Variants in PCDHA4 observed in about 807,000 individuals in gnomAD.
PCDHA4 encodes protocadherin alpha 4, also known as protocadherin alpha-4.
In PCDHA4, 49 loss-of-function variants were observed where a neutral mutation model predicts 61.4. That is an observed-to-expected ratio of 0.80 (90% CI 0.63 to 1.01). PCDHA4 has a LOEUF of 1.01. Among genes scored for constraint, PCDHA4 ranks in the 50% least tolerant of loss-of-function variants. PCDHA4 has a pLI of 0.00. For synonymous variants in PCDHA4, 590 were observed against 550.3 expected, an observed-to-expected ratio of 1.07 and a Z score of -1.01; for missense variants, 1,254 against 1,235.8, an observed-to-expected ratio of 1.01 and a Z score of -0.22.
At chr5:140,875,447 C>G (rs532829491) in intron 1 of PCDHA4, 1 of 1,584,206 alleles carries the variant, frequency 6.3e-7, no homozygotes, top group African/African-American at 1.4e-5. Flanking sequence ...CTGATTGTCC[C>G]AACTCAGAGG....
chr5:140,951,210 G>C (rs541010152), intron 1 of PCDHA4, among the ~76,000 whole-genome samples: 4 of 151,862 alleles, frequency 2.6e-5, no homozygotes, highest in African/African-American at 9.7e-5. Flanking sequence ...TGTCATCTCA[G>C]GTTTGGATTC....
At chr5:140,927,186 C>T in intron 1 of PCDHA4, 1 of 1,614,174 alleles carries the variant, frequency 6.2e-7, no homozygotes, top group East Asian at 2.2e-5. Context: ...TGACCTACGA[C>T]CTGGTGCTCG....
intron 3 of PCDHA4, among the ~76,000 whole-genome samples, chr5:140,988,599 G>A (rs782117836): frequency 6.6e-6 from 1 of 152,154 alleles, no homozygotes; most frequent in Non-Finnish European, 1.5e-5. Flanking sequence ...TAATGGTCAT[G>A]TAAATAAAAG....
At chr5:140,975,472 A>G (rs1012106018) in intron 1 of PCDHA4, among the ~76,000 whole-genome samples, 2 of 152,250 alleles carry the variant, frequency 1.3e-5, no homozygotes, top group African/African-American at 4.8e-5. Flanking sequence ...AATTCTGCCT[A>G]TCAGTTTATA....
Position 140,862,133 on chromosome 5 carries a change from T to C in PCDHA4, c.2385+52561T>C, listed in dbSNP as rs188346525. ...GTGGATAAATAAATGTAAAGATAGGTTTTGAGGAAACTAAATAATGAAAGA... is the reference window on the plus strand; with the variant it reads ...GTGGATAAATAAATGTAAAGATAGGCTTTGAGGAAACTAAATAATGAAAGA... On this transcript the variant is annotated intron_variant, in intron 1 of 3. Transcript: ENST00000530339. The C allele has an allele frequency of 2.2e-3, 352 of 163,204 alleles. 2 individuals carry two copies. Among genetic ancestry groups the C allele is most frequent in the South Asian group, 2.0e-3 (12 of 5,916 alleles). The allele number at this position is 163,204 out of a possible 1,614,324, so 10.1% of individuals were successfully genotyped here.
At chr5:140,907,392 A>G (rs1362391388) in intron 1 of PCDHA4, among the ~76,000 whole-genome samples, 1 of 152,202 alleles carries the variant, frequency 6.6e-6, no homozygotes, top group Non-Finnish European at 1.5e-5. Context: ...GTCAAAGGCA[A>G]TGCTGTGTGG....
intron 1 of PCDHA4, among the ~76,000 whole-genome samples, chr5:140,945,624 C>T (rs1248945489): frequency 6.6e-6 from 1 of 152,028 alleles, no homozygotes; most frequent in African/African-American, 2.4e-5. Flanking sequence ...ATGGTACTGG[C>T]ATAAAAGACA....
chr5:140,934,515 C>A (rs1163045974), intron 1 of PCDHA4, among the ~76,000 whole-genome samples: 1 of 152,214 alleles, frequency 6.6e-6, no homozygotes, highest in Admixed American at 6.5e-5. Context: ...GGTCCATAGA[C>A]CACACTTCGA....
chr5:140,927,128 A>T (rs2083872958), intron 1 of PCDHA4: 2 of 1,613,878 alleles, frequency 1.2e-6, no homozygotes, highest in Non-Finnish European at 1.7e-6. Context: ...GTGGTCAGAG[A>T]GCCGGCGGAC....
In PCDHA4 at chr5:140,807,293, T is replaced by A. The variant is rs782145999; in HGVS notation, c.106T>A (p.Ser36Thr). The stretch of plus-strand genomic sequence containing the variant: ...GAACGGTCAGCTCCACTACTCGGTC[T>A]CCGAGGAGGCCAAACACGGCACCTT... ...AGNGQLHYSV[S>T]EEAKHGTFVG... Residue 36 changes from serine to threonine, a missense_variant, in exon 1 of 4, where the codon TCC becomes ACC. Coordinates refer to ENST00000530339, the MANE Select transcript of PCDHA4 (RefSeq NM_018907.4). The A allele has an allele frequency of 6.2e-7, 1 of 1,614,084 alleles. No individual in the cohort carries two copies. Among genetic ancestry groups the A allele is most frequent in the Non-Finnish European group, 8.5e-7 (1 of 1,180,046 alleles).
chr5:140,823,797 G>T lies in PCDHA4; in HGVS notation c.2385+14225G>T, dbSNP rs2150129232. 3 of 1,613,840 alleles carry T rather than the reference G, an allele frequency of 1.9e-6. No individual in the cohort carries two copies. The South Asian group carries it at 3.3e-5, about 18-fold the overall frequency. ...TGTCGCTGGTGGAAAGTGGCCAGGC[G>T]CCGAAGGCCTCATCGCGGGCGTCGG... On this transcript the variant is annotated intron_variant, in intron 1 of 3. Coordinates refer to ENST00000530339, the MANE Select transcript of PCDHA4 (RefSeq NM_018907.4).
At chr5:140,972,990 G>A (rs185555684) in intron 1 of PCDHA4, among the ~76,000 whole-genome samples, 2 of 152,188 alleles carry the variant, frequency 1.3e-5, no homozygotes, top group African/African-American at 4.8e-5. Context: ...GGTAGATTCT[G>A]TGCATTTGTG....
intron 1 of PCDHA4, chr5:140,927,650 TC>T (rs2084465821): frequency 6.2e-7 from 1 of 1,614,080 alleles, no homozygotes; most frequent in Admixed American, 1.7e-5. Flanking sequence ...ACTGTGTTAT[TC>T]CGAGTTCAAG....
In PCDHA4 at chr5:141,009,718, A is replaced by G. The variant is rs2098413942; in HGVS notation, c.2625A>G (p.Gln875=). Residue 875 remains glutamine, a synonymous_variant, in exon 4 of 4, where the codon CAA becomes CAG. Transcript: ENST00000530339. ...TFKYGPGNPK[Q]SGPGELPDKF... ...AATACGGACCAGGCAACCCCAAACA[A>G]TCCGGTCCCGGTGAGTTGCCCGACA... The G allele has an allele frequency of 1.2e-6, 2 of 1,614,044 alleles. No homozygotes were observed. The highest frequency in any genetic ancestry group is 1.1e-5 in the South Asian group (1 of 91,052).
chr5:140,853,649 T>C (rs2042817758), intron 1 of PCDHA4: 2 of 988,760 alleles, frequency 2.0e-6, no homozygotes, highest in African/African-American at 1.8e-5. Flanking sequence ...AAATTGAGCC[T>C]GTTCCAGACA....
intron 1 of PCDHA4, among the ~76,000 whole-genome samples, chr5:140,826,339 AC>A (rs1178030684): frequency 1.3e-5 from 2 of 152,118 alleles, no homozygotes; most frequent in Non-Finnish European, 1.5e-5. Context: ...AAGAAATTGA[AC>A]CCTTTGTTTG....
At chr5:140,988,959 C>G (rs1308701267) in intron 3 of PCDHA4, 3 of 152,056 alleles carry the variant, frequency 2.0e-5, no homozygotes, top group Non-Finnish European at 4.4e-5. Context: ...CCTTCAAGCC[C>G]CACGATGGAG....
intron 3 of PCDHA4, among the ~76,000 whole-genome samples, chr5:140,997,614 A>G (rs1355709943): frequency 6.6e-6 from 1 of 152,148 alleles, no homozygotes; most frequent in Admixed American, 6.6e-5. Context: ...GCATGACTAT[A>G]TAGAGATTTT....
chr5:140,944,191 G>C (rs181232402), intron 1 of PCDHA4, among the ~76,000 whole-genome samples: 1 of 151,980 alleles, frequency 6.6e-6, no homozygotes, highest in East Asian at 1.9e-4. Context: ...GGTTTGTTTT[G>C]TTTTGTTTTG....
Sources: gnomAD v4.1 joint callset for allele counts (sites outside exome capture counted in the v4.1 genomes callset) on GRCh38, gnomAD v4.1.1 for gene constraint, MANE v1.5 for transcripts, NCBI Gene and HGNC (gene_info 2026-07-23, HGNC 2026-07-21) for gene names.